DDX10: variants seen among roughly 807,000 people sequenced by gnomAD.
DDX10 encodes the protein DEAD-box helicase 10.
DDX10 carries 74 observed loss-of-function variants against 104.3 expected under a neutral mutation model. The observed-to-expected ratio is 0.71, with a 90% CI of 0.59 to 0.86. The LOEUF is 0.86. Ranked by LOEUF, DDX10 falls within the 40% of genes least tolerant of loss-of-function variation. The probability of loss-of-function intolerance (pLI) is 0.00; values close to 1 mark genes in which losing one functional copy is unlikely to be tolerated. For synonymous variants in DDX10, 351 were observed against 353.4 expected (o/e 0.99, Z 0.08); for missense variants, 952 against 1,040.0 (o/e 0.92, Z 1.16).
At chr11:108,935,329 G>A (rs1339063383) in intron 17 of DDX10, among the ~76,000 whole-genome samples, 3 of 152,100 alleles carry the variant, frequency 2.0e-5, no homozygotes, top group Non-Finnish European at 4.4e-5. Context: ...AGAGCAAGGG[G>A]TATATTAAGG....
intron 1 of DDX10, among the ~76,000 whole-genome samples, chr11:108,671,395 C>T (rs1235678260): frequency 6.6e-6 from 1 of 152,200 alleles, no homozygotes; most frequent in Non-Finnish European, 1.5e-5. Flanking sequence ...AACTCCTGAC[C>T]CCAGGTGATC....
chr11:108,831,264 C>T (rs866258715), intron 13 of DDX10, among the ~76,000 whole-genome samples: 2 of 151,636 alleles, frequency 1.3e-5, no homozygotes, highest in Admixed American at 6.6e-5. Context: ...ATTAGCCAGG[C>T]GTGGTGGCAG....
chr11:108,822,636 C>G, intron 13 of DDX10: 1 of 162,202 alleles, frequency 6.2e-6, no homozygotes, highest in South Asian at 1.6e-4. Context: ...TCTTGCCTTT[C>G]TCAGCAACAC....
At chr11:108,683,495 C>T (rs1224803175) in intron 6 of DDX10, among the ~76,000 whole-genome samples, 2 of 152,180 alleles carry the variant, frequency 1.3e-5, no homozygotes, top group Non-Finnish European at 2.9e-5. Flanking sequence ...TTTCCTTTAG[C>T]ACCTCAAGTC....
rs145065679 is a variant in DDX10, at chr11:108,856,970, A to G, written c.2304+4761A>G. 4.0e-3 allele frequency among the ~76,000 whole-genome samples: 603 copies of G among 151,846 alleles called. 8 individuals are homozygous for G. Among genetic ancestry groups the G allele is most frequent in the African/African-American group, 0.014 (577 of 41,394 alleles). ...TTTACATTTTGAACTTCCAGGGAAT[A>G]TTTTATTTGAAATATTGTTTTCCTT... On this transcript the variant is annotated intron_variant, in intron 16 of 17. Transcript: ENST00000322536.
intron 13 of DDX10, among the ~76,000 whole-genome samples, chr11:108,816,384 C>G (rs1372401959): frequency 6.6e-6 from 1 of 152,152 alleles, no homozygotes; most frequent in Admixed American, 6.5e-5. Context: ...TTTATTCAGT[C>G]ACTTCGGACT....
Position 108,675,393 on chromosome 11 carries a change from G to A in DDX10, c.248-203G>A, listed in dbSNP as rs138649647. ...TCAAGTTTCTTCTCATAAAGACACC[G>A]TTTGTGTTGGATCAGAGTCCACCCC... On this transcript the variant is annotated intron_variant, in intron 2 of 17. Coordinates refer to ENST00000322536, the MANE Select transcript of DDX10 (RefSeq NM_004398.4). Among the ~76,000 whole-genome samples the A allele has an allele frequency of 7.8e-4, 118 of 152,202 alleles. 3 individuals carry two copies. In the East Asian group the frequency reaches 0.021, roughly 28 times the overall value.
At chr11:108,685,648 A>G (rs1418258082) in intron 6 of DDX10, among the ~76,000 whole-genome samples, 1 of 152,220 alleles carries the variant, frequency 6.6e-6, no homozygotes, top group African/African-American at 2.4e-5. Context: ...TCATTGTGTT[A>G]AGCTTTACAG....
At chr11:108,686,058 C>T (rs1312082282) in intron 6 of DDX10, among the ~76,000 whole-genome samples, 7 of 152,114 alleles carry the variant, frequency 4.6e-5, no homozygotes, top group Non-Finnish European at 1.0e-4. Flanking sequence ...TCCCATAATT[C>T]CCTATAGATA....
At chr11:108,737,216 A>G (rs1305748281) in intron 13 of DDX10, among the ~76,000 whole-genome samples, 1 of 152,218 alleles carries the variant, frequency 6.6e-6, no homozygotes, top group Non-Finnish European at 1.5e-5. Context: ...TTTTTGTTTT[A>G]ATAAACCAAA....
chr11:108,783,152 CT>C (rs1363227335), intron 13 of DDX10, among the ~76,000 whole-genome samples: 1 of 152,098 alleles, frequency 6.6e-6, no homozygotes, highest in Non-Finnish European at 1.5e-5. Context: ...AGAATTGTTT[CT>C]GTGACTATTT....
chr11:108,916,508 A>G (rs1458290792), intron 16 of DDX10, among the ~76,000 whole-genome samples: 3 of 152,210 alleles, frequency 2.0e-5, no homozygotes, highest in Non-Finnish European at 2.9e-5. Flanking sequence ...GAGTACTTTA[A>G]TAGTGAATAG....
intron 13 of DDX10, among the ~76,000 whole-genome samples, chr11:108,745,992 C>T (rs551699512): frequency 1.3e-5 from 2 of 152,160 alleles, no homozygotes; most frequent in Admixed American, 1.3e-4. Context: ...ACTTGTTCAG[C>T]CATTACCATG....
At chr11:108,764,496 C>T (rs1042914627) in intron 13 of DDX10, among the ~76,000 whole-genome samples, 1 of 152,052 alleles carries the variant, frequency 6.6e-6, no homozygotes, top group Non-Finnish European at 1.5e-5. Flanking sequence ...GGTGAAACCC[C>T]GTCTCTACTA....
intron 13 of DDX10, among the ~76,000 whole-genome samples, chr11:108,759,639 C>G (rs945140165): frequency 6.6e-6 from 1 of 151,994 alleles, no homozygotes; most frequent in South Asian, 2.1e-4. Flanking sequence ...TACATCTGTT[C>G]TAGGGCTTTT....
chr11:108,875,086 A>G (rs1863134018), intron 16 of DDX10, among the ~76,000 whole-genome samples: 1 of 152,182 alleles, frequency 6.6e-6, no homozygotes, highest in South Asian at 2.1e-4. Flanking sequence ...TGGAGCCAGG[A>G]AGAGGTTTTG....
chr11:108,875,904 G>A (rs1175458207), intron 16 of DDX10, among the ~76,000 whole-genome samples: 1 of 152,106 alleles, frequency 6.6e-6, no homozygotes, highest in African/African-American at 2.4e-5. Flanking sequence ...TACAGATGAT[G>A]CCTAGCTTAT....
intron 6 of DDX10, among the ~76,000 whole-genome samples, chr11:108,681,659 A>C (rs2134442954): frequency 6.6e-6 from 1 of 152,344 alleles, no homozygotes; most frequent in South Asian, 2.1e-4. Context: ...TACTTAGAAA[A>C]AGTATACTAG....
At chr11:108,675,848 C>A in intron 3 of DDX10, 122 bp downstream of exon 3, 1 of 1,276,678 alleles carries the variant, frequency 7.8e-7, no homozygotes, top group Non-Finnish European at 1.1e-6. Flanking sequence ...GGCTAGAATG[C>A]GAGCTTCATC....
Sources: allele counts gnomAD v4.1 joint callset (sites outside exome capture counted in the v4.1 genomes callset), GRCh38; gene constraint gnomAD v4.1.1; transcripts MANE v1.5; gene names NCBI Gene and HGNC (gene_info 2026-07-23, HGNC 2026-07-21).